PREP: variants seen among roughly 807,000 people sequenced by gnomAD.
The protein encoded by PREP is dJ355L5.1 (prolyl endopeptidase).
Under a neutral mutation model 87.6 loss-of-function variants are expected in PREP, and 29 were observed. The observed-to-expected ratio is 0.33, with a 90% confidence interval of 0.25 to 0.45. PREP has a LOEUF of 0.45. PREP is among the 20% of genes least tolerant of loss of function. The probability of loss-of-function intolerance (pLI) is 1.00; values close to 1 mark genes in which losing one functional copy is unlikely to be tolerated. For missense variants in PREP, 695 were observed against 886.5 expected, an observed-to-expected ratio of 0.78 and a Z score of 2.74; for synonymous variants, 337 against 328.6, an observed-to-expected ratio of 1.03 and a Z score of -0.28.
intron 10 of PREP, among the ~76,000 whole-genome samples, chr6:105,315,043 C>T (rs984894225): frequency 6.6e-6 from 1 of 152,214 alleles, no homozygotes; most frequent in African/African-American, 2.4e-5. Flanking sequence ...TTGTTCTAAG[C>T]AGTAGGTCTC....
intron 9 of PREP, among the ~76,000 whole-genome samples, chr6:105,324,617 G>A (rs1489445344): frequency 2.0e-5 from 3 of 152,184 alleles, no homozygotes. Context: ...AGCATATGCT[G>A]TCAAGTATAT....
At chr6:105,402,443 CACACAA>C (rs1356389523) in intron 1 of PREP, among the ~76,000 whole-genome samples, 2 of 150,798 alleles carry the variant, frequency 1.3e-5, no homozygotes, top group African/African-American at 2.4e-5. Context: ...CACACACACA[CACACAA>C]ACACACACAC....
chr6:105,328,543 C>T (rs1771233479), intron 9 of PREP, among the ~76,000 whole-genome samples: 1 of 152,124 alleles, frequency 6.6e-6, no homozygotes, highest in Non-Finnish European at 1.5e-5. Context: ...AGACACTGTG[C>T]CTGGCCCATT....
intron 10 of PREP, among the ~76,000 whole-genome samples, chr6:105,308,720 T>C (rs1583047103): frequency 6.6e-6 from 1 of 152,112 alleles, no homozygotes; most frequent in South Asian, 2.1e-4. Flanking sequence ...TTTCAGACTC[T>C]ATCTATCACA....
intron 14 of PREP, among the ~76,000 whole-genome samples, chr6:105,279,275 G>A (rs1770019161): frequency 6.6e-6 from 1 of 152,138 alleles, no homozygotes; most frequent in African/African-American, 2.4e-5. Flanking sequence ...GGTAAATAGT[G>A]AAAACAGTAA....
At chr6:105,392,238 C>T (rs769342043) in intron 2 of PREP, among the ~76,000 whole-genome samples, 1 of 151,968 alleles carries the variant, frequency 6.6e-6, no homozygotes, top group African/African-American at 2.4e-5. Flanking sequence ...TGGGGTTTCA[C>T]TGTATTAGCC....
intron 2 of PREP, among the ~76,000 whole-genome samples, chr6:105,383,159 G>A (rs1208054883): frequency 6.6e-6 from 1 of 151,724 alleles, no homozygotes; most frequent in Non-Finnish European, 1.5e-5. Flanking sequence ...AGATGCAGCT[G>A]CTTTTCAGGA....
rs1186260297 is a variant in PREP, at chr6:105,349,897, G to GT, written c.823+3074dup. Among the ~76,000 whole-genome samples, 67 of 78,396 alleles carry GT rather than the reference G, an allele frequency of 8.5e-4. No individual in the cohort carries two copies. In the East Asian group the frequency reaches 0.013, roughly 15 times the overall value. 51.4% of individuals were successfully genotyped at this position (78,396 alleles called of 152,430 possible). On this transcript the variant is annotated intron_variant, in intron 7 of 14. Coordinates refer to ENST00000652536, the MANE Select transcript of PREP (RefSeq NM_002726.5). ...GAGGATAACAAAATTGGGGAAGCAG[G>GT]TAAAAAAAAAAAAAAAAAAAAAAAA...
chr6:105,353,090 A>C lies in PREP; in HGVS notation c.718-13T>G. On this transcript the variant is annotated splice_polypyrimidine_tract_variant and intron_variant, in intron 6 of 14. Coordinates refer to ENST00000652536, the MANE Select transcript of PREP (RefSeq NM_002726.5). ...CATCATCAGATAACTAAAAAAGAAAAAAAAATAGTGCAGGGGACTAATTAG... is the reference window on the plus strand; with the variant it reads ...CATCATCAGATAACTAAAAAAGAAACAAAAATAGTGCAGGGGACTAATTAG... The C allele has an allele frequency of 6.3e-7, 1 of 1,577,242 alleles. No individual in the cohort carries two copies. The highest frequency in any genetic ancestry group is 1.4e-5 in the African/African-American group (1 of 74,058).
At chr6:105,342,265 C>G (rs1177236758) in intron 7 of PREP, among the ~76,000 whole-genome samples, 1 of 152,162 alleles carries the variant, frequency 6.6e-6, no homozygotes, top group African/African-American at 2.4e-5. Context: ...ATCATATAAA[C>G]AGAATCAAAG....
intron 10 of PREP, among the ~76,000 whole-genome samples, chr6:105,317,735 T>A (rs1454158169): frequency 1.3e-5 from 2 of 152,070 alleles, no homozygotes; most frequent in African/African-American, 4.8e-5. Flanking sequence ...TAGCAGAGAA[T>A]CAAACACCTG....
chr6:105,393,122 G>T (rs1442008750), intron 2 of PREP, among the ~76,000 whole-genome samples: 1 of 152,168 alleles, frequency 6.6e-6, no homozygotes, highest in South Asian at 2.1e-4. Flanking sequence ...ACACAAAGGT[G>T]TATTAGCCAT....
At chr6:105,334,481 T>C (rs746803026) in intron 7 of PREP, among the ~76,000 whole-genome samples, 8 of 152,172 alleles carry the variant, frequency 5.3e-5, no homozygotes, top group Non-Finnish European at 7.4e-5. Context: ...CATTTTGGGA[T>C]GCCAGGGAAG....
rs527647391 is a variant in PREP, at chr6:105,391,743, G to A, written c.120+6110C>T. On this transcript the variant is annotated intron_variant, in intron 2 of 14. Coordinates refer to ENST00000652536, the MANE Select transcript of PREP (RefSeq NM_002726.5). ...ACAGGGCACACGCCCTAAGGGACCG[G>A]GAGACCGACTGAGAGGAAGAAGGTG... Among the ~76,000 whole-genome samples, 4 of 152,344 alleles carry A rather than the reference G, an allele frequency of 2.6e-5. No individual in the cohort carries two copies. In the East Asian group the frequency reaches 7.7e-4, roughly 29 times the overall value.
Position 105,395,284 on chromosome 6 carries a change from C to T in PREP, c.120+2569G>A, listed in dbSNP as rs1379165924. 2.6e-5 allele frequency among the ~76,000 whole-genome samples: 4 copies of T among 152,292 alleles called. No homozygotes were observed. In the Middle Eastern group the frequency reaches 0.01, roughly 389 times the overall value. On this transcript the variant is annotated intron_variant, in intron 2 of 14. Coordinates refer to ENST00000652536, the MANE Select transcript of PREP (RefSeq NM_002726.5). ...CAGACATGAATACATTCCTTTAGCT[C>T]GCATCTGCAAAGTATTACACCCAGT...
At chr6:105,351,299 C>G (rs1381267601) in intron 7 of PREP, among the ~76,000 whole-genome samples, 1 of 152,168 alleles carries the variant, frequency 6.6e-6, no homozygotes, top group Non-Finnish European at 1.5e-5. Flanking sequence ...CTGAATGGAT[C>G]ATGGCCATTA....
Position 105,373,277 on chromosome 6 carries a change from A to T in PREP, c.595+92T>A, listed in dbSNP as rs1184096728. ...GAGGAAACATGGTTCTGGACCACAC[A>T]ACCTCTATGTAGGGTTCAGCATCTC... On this transcript the variant is annotated intron_variant, in intron 5 of 14. Coordinates refer to ENST00000652536, the MANE Select transcript of PREP (RefSeq NM_002726.5). 1.1e-5 allele frequency: 15 copies of T among 1,380,118 alleles called. No individual in the cohort carries two copies. In the Admixed American group the frequency reaches 2.4e-4, roughly 22 times the overall value. The allele number at this position is 1,380,118 out of a possible 1,614,324, so 85.5% of individuals were successfully genotyped here. A position where few individuals can be genotyped will look rare whatever the true frequency, so the allele number is the denominator to read the frequency against.
Position 105,338,198 on chromosome 6 carries a change from A to G in PREP, c.824-4693T>C, listed in dbSNP as rs570836142. 4.6e-5 allele frequency among the ~76,000 whole-genome samples: 7 copies of G among 152,324 alleles called. No homozygotes were observed. The East Asian group carries it at 9.6e-4, about 21-fold the overall frequency. On this transcript the variant is annotated intron_variant, in intron 7 of 14. Transcript: ENST00000652536. ...TCCTTAAATGTTCCCCCAACAATAA[A>G]GCATTTCCTGATGTGAAACCTTTAT...
chr6:105,388,438 C>T (rs1263929460), intron 2 of PREP, among the ~76,000 whole-genome samples: 5 of 144,100 alleles, frequency 3.5e-5, no homozygotes, highest in South Asian at 2.2e-4. Flanking sequence ...CAGTTTTTGC[C>T]GCTTGCATCA....
Sources: allele counts gnomAD v4.1 joint callset (sites outside exome capture counted in the v4.1 genomes callset), GRCh38; gene constraint gnomAD v4.1.1; transcripts MANE v1.5; gene names NCBI Gene and HGNC (gene_info 2026-07-23, HGNC 2026-07-21).